SLCO6A1: variants seen among roughly 807,000 people sequenced by gnomAD.
SLCO6A1 encodes the protein solute carrier organic anion transporter family member 6A1.
A neutral mutation model predicts 72.7 loss-of-function variants in SLCO6A1; 65 were observed. That is an observed-to-expected ratio of 0.89 (90% CI 0.73 to 1.10). SLCO6A1 has a LOEUF of 1.10. Ranked by LOEUF, SLCO6A1 falls within the 50% of genes least tolerant of loss-of-function variation. The pLI, the probability that SLCO6A1 is intolerant of heterozygous loss-of-function variation, is 0.00. For missense variants in SLCO6A1, 874 were observed against 872.6 expected, an observed-to-expected ratio of 1.00 and a Z score of -0.02; for synonymous variants, 314 against 298.2, an observed-to-expected ratio of 1.05 and a Z score of -0.55.
intron 4 of SLCO6A1, among the ~76,000 whole-genome samples, chr5:102,464,879 C>T (rs1054359200): frequency 1.3e-5 from 2 of 152,110 alleles, no homozygotes; most frequent in African/African-American, 2.4e-5. Context: ...AATAGGTCAA[C>T]CGCTTTAGGT....
intron 1 of SLCO6A1, among the ~76,000 whole-genome samples, chr5:102,497,740 TTGACTC>T (rs1303040378): frequency 6.6e-6 from 1 of 152,210 alleles, no homozygotes; most frequent in Non-Finnish European, 1.5e-5. Flanking sequence ...ATTTCACAGT[TTGACTC>T]TGAAACAAAA....
intron 11 of SLCO6A1, 31 bp from the exon 12 acceptor site, chr5:102,388,856 T>C: frequency 6.3e-7 from 1 of 1,580,446 alleles, no homozygotes; most frequent in Non-Finnish European, 8.6e-7. Flanking sequence ...GTAAATTCTT[T>C]GTGAAAACAC....
rs1751965876 is a variant in SLCO6A1 at position 102,477,545 on chromosome 5, G to T, written c.802+131C>A. The T allele has an allele frequency of 4.4e-6, 3 of 679,990 alleles. No individual in the cohort carries two copies. The South Asian group carries it at 8.7e-5, about 20-fold the overall frequency. The allele number at this position is 679,990 out of a possible 1,614,324, so 42.1% of individuals were successfully genotyped here. ...TGAATCAATGTGATTTGGAGGTTTA[G>T]CATACCAATTATCATTTATTACAAT... On this transcript the variant is annotated intron_variant, in intron 3 of 13. Coordinates refer to ENST00000506729, the MANE Select transcript of SLCO6A1 (RefSeq NM_173488.5).
intron 10 of SLCO6A1, among the ~76,000 whole-genome samples, chr5:102,391,840 AT>A (rs1244384189): frequency 1.4e-4 from 18 of 128,958 alleles, no homozygotes; most frequent in Non-Finnish European, 2.5e-4. Context: ...TAAATGAAAA[AT>A]AACTTTTCCA....
chr5:102,457,504 C>T (rs1750791586), intron 6 of SLCO6A1, among the ~76,000 whole-genome samples: 2 of 152,096 alleles, frequency 1.3e-5, no homozygotes, highest in South Asian at 4.1e-4. Flanking sequence ...TGAAAAAATG[C>T]TCATCATCAC....
In SLCO6A1 at chr5:102,438,656, G is replaced by T. The variant is rs754755171; in HGVS notation, c.1237C>A (p.Gln413Lys). ...GCCACAGTGGGTGTTAATATAAACTGATTTTCTAAATATATAGGCAAAAAT... is the reference window on the plus strand; with the variant it reads ...GCCACAGTGGGTGTTAATATAAACTTATTTTCTAAATATATAGGCAAAAAT... ...SEFLPIYLEN[Q>K]FILTPTVATT... The change falls in exon 7 of 14, where the codon CAG becomes AAG. Residue 413 changes from glutamine to lysine, a missense_variant. By Grantham distance (53) the Gln-to-Lys change is moderately conservative. Coordinates refer to ENST00000506729, the MANE Select transcript of SLCO6A1 (RefSeq NM_173488.5). 3.1e-6 allele frequency: 5 copies of T among 1,591,322 alleles called. No individual in the cohort carries two copies. In the South Asian group the frequency reaches 5.9e-5, roughly 19 times the overall value.
intron 6 of SLCO6A1, among the ~76,000 whole-genome samples, chr5:102,453,872 T>C (rs980322126): frequency 6.6e-6 from 1 of 152,152 alleles, no homozygotes; most frequent in Non-Finnish European, 1.5e-5. Flanking sequence ...GGATCACATA[T>C]TCAAGTTTCA....
At chr5:102,388,531 T>C (rs1459800775) in intron 12 of SLCO6A1, among the ~76,000 whole-genome samples, 157 bp downstream of exon 12, 1 of 152,102 alleles carries the variant, frequency 6.6e-6, no homozygotes. Context: ...ATTTTACTTA[T>C]AGAGATGTGG....
chr5:102,467,938 C>T lies in SLCO6A1; in HGVS notation c.899+7759G>A, dbSNP rs368082531. 2.6e-5 allele frequency among the ~76,000 whole-genome samples: 4 copies of T among 152,104 alleles called. No homozygotes were observed. In the East Asian group the frequency reaches 7.7e-4, roughly 29 times the overall value. ...TGTGACCTTAGATGGTCTAATCATG[C>T]TCTTTCAGACTTCTTGATGTAGGCA... On this transcript the variant is annotated intron_variant, in intron 4 of 13. Transcript: ENST00000506729.
chr5:102,444,339 C>T (rs1188761970), intron 6 of SLCO6A1, among the ~76,000 whole-genome samples: 5 of 152,124 alleles, frequency 3.3e-5, no homozygotes, highest in Admixed American at 1.3e-4. Flanking sequence ...GATTTACTCC[C>T]TACCCTAATC....
intron 1 of SLCO6A1, among the ~76,000 whole-genome samples, chr5:102,493,806 T>G (rs553087509): frequency 2.6e-5 from 4 of 152,276 alleles, no homozygotes; most frequent in Non-Finnish European, 4.4e-5. Context: ...AGATGCAGGA[T>G]AGAAGATGTA....
chr5:102,433,526 G>T (rs1258014154), intron 7 of SLCO6A1, among the ~76,000 whole-genome samples: 4 of 152,138 alleles, frequency 2.6e-5, no homozygotes, highest in African/African-American at 9.7e-5. Context: ...GATTTTAGAA[G>T]GCAAAGGCTC....
Position 102,399,556 on chromosome 5 carries a change from G to T in SLCO6A1, c.1813C>A (p.Arg605=), listed in dbSNP as rs777289666. 4 of 1,523,428 alleles carry T rather than the reference G, an allele frequency of 2.6e-6. No homozygotes were observed. In the East Asian group the frequency reaches 9.1e-5, roughly 35 times the overall value. 94.4% of individuals were successfully genotyped at this position (1,523,428 alleles called of 1,614,324 possible). A position where few individuals can be genotyped will look rare whatever the true frequency, so the allele number is the denominator to read the frequency against. Residue 605 remains arginine (R), a splice_region_variant and synonymous_variant, in exon 10 of 14, where the codon CGG becomes AGG. Coordinates refer to ENST00000506729, the MANE Select transcript of SLCO6A1 (RefSeq NM_173488.5). The part of the protein sequence containing the change: ...SGVPIVLAMT[R]VVPDKLRSLA... ...TAATAATGAGTAATATATACATACC[G>T]CGTCATGGCCAAGACGATTGGTACA... is the stretch of plus-strand genomic sequence containing the variant.
intron 9 of SLCO6A1, among the ~76,000 whole-genome samples, chr5:102,400,060 A>G (rs926974731): frequency 2.0e-5 from 3 of 152,068 alleles, no homozygotes; most frequent in Non-Finnish European, 4.4e-5. Flanking sequence ...AAATATATAA[A>G]TTGAGGGAAA....
chr5:102,483,146 A>G (rs111961358), intron 1 of SLCO6A1, among the ~76,000 whole-genome samples: 2 of 152,048 alleles, frequency 1.3e-5, no homozygotes, highest in African/African-American at 4.8e-5. Context: ...CTACTTCATT[A>G]TTGAGAGCCT....
intron 1 of SLCO6A1, among the ~76,000 whole-genome samples, chr5:102,481,343 T>C (rs1214189614): frequency 6.6e-6 from 1 of 152,188 alleles, no homozygotes; most frequent in Admixed American, 6.5e-5. Flanking sequence ...ATAGTGCTGA[T>C]AGCATCACAT....
intron 8 of SLCO6A1, among the ~76,000 whole-genome samples, chr5:102,418,794 T>A (rs2112609090): frequency 6.6e-6 from 1 of 152,230 alleles, no homozygotes; most frequent in African/African-American, 2.4e-5. Context: ...CTATCTCCTA[T>A]CTACAGAGCA....
Position 102,498,557 on chromosome 5 carries a change from GCTGA to G in SLCO6A1, c.284_287del (p.Val95AlafsTer14). On this transcript the variant is annotated frameshift_variant, in exon 1 of 14. Transcript: ENST00000506729. LOFTEE classifies it high-confidence loss of function. ...TGTTATTGCAACACTCACAGCAGGT[GCTGA>G]CTAAGCAGCCCAAACCACAGGGCTG... 2 of 1,614,246 alleles carry G rather than the reference GCTGA, an allele frequency of 1.2e-6. No homozygotes were observed. The highest frequency in any genetic ancestry group is 2.2e-5 in the East Asian group (1 of 44,870).
At chr5:102,440,740 A>G (rs949200731) in intron 6 of SLCO6A1, among the ~76,000 whole-genome samples, 2 of 152,204 alleles carry the variant, frequency 1.3e-5, no homozygotes, top group African/African-American at 4.8e-5. Flanking sequence ...TATTGTTTTA[A>G]TCCACTAAGT....
Sources: allele counts gnomAD v4.1 joint callset (sites outside exome capture counted in the v4.1 genomes callset), GRCh38; gene constraint gnomAD v4.1.1; transcripts MANE v1.5; gene names NCBI Gene and HGNC (gene_info 2026-07-23, HGNC 2026-07-21).